PDE3B: variants seen among roughly 807,000 people sequenced by gnomAD.
PDE3B encodes cGMP-inhibited 3',5'-cyclic phosphodiesterase 3B.
Under a neutral mutation model 116.8 loss-of-function variants are expected in PDE3B, and 66 were observed. That is an observed-to-expected ratio of 0.56 (90% CI 0.46 to 0.69). The LOEUF is 0.69. PDE3B is among the 30% of genes least tolerant of loss of function. PDE3B has a pLI of 0.00. For synonymous variants in PDE3B, 595 were observed against 533.6 expected (o/e 1.12, Z -1.59); for missense variants, 1,384 against 1,368.1 (o/e 1.01, Z -0.18).
chr11:14,808,636 A>C (rs561335396), intron 5 of PDE3B, among the ~76,000 whole-genome samples: 2 of 150,670 alleles, frequency 1.3e-5, no homozygotes, highest in Non-Finnish European at 3.0e-5. Flanking sequence ...TATATGTAAA[A>C]TCCTAAGAAA....
Position 14,644,462 on chromosome 11 carries a change from C to T in PDE3B, c.387C>T (p.Phe129=), listed in dbSNP as rs375336969. 328 of 1,613,252 alleles carry T rather than the reference C, an allele frequency of 2.0e-4. 1 individual carries two copies. The highest frequency in any genetic ancestry group is 7.0e-4 in the Admixed American group (42 of 59,982). Residue 129 remains phenylalanine, a synonymous_variant, in exon 1 of 16, where the codon TTC becomes TTT. Transcript: ENST00000282096. ...CCCTCTTCAGCATCGCCTGTGCCTT[C>T]TTCTTCCTCACCTGCTTCCTCACCC... is the stretch of plus-strand genomic sequence containing the variant. ...LSPLFSIACA[F]FFLTCFLTRT...
chr11:14,813,316 G>C (rs546448670), intron 5 of PDE3B, among the ~76,000 whole-genome samples: 4 of 152,174 alleles, frequency 2.6e-5, no homozygotes, highest in South Asian at 2.1e-4. Flanking sequence ...GAGGCTTTAG[G>C]GGGTAATCCA....
chr11:14,804,155 T>C, intron 5 of PDE3B, 105 bp downstream of exon 5: 1 of 673,588 alleles, frequency 1.5e-6, no homozygotes, highest in East Asian at 2.7e-5. Context: ...TACAATTTCA[T>C]GTATTATAAG....
rs1856202796 is a variant in PDE3B at position 14,723,939 on chromosome 11, T to C, written c.979-47998T>C. Among the ~76,000 whole-genome samples the C allele has an allele frequency of 1.3e-5, 2 of 152,196 alleles. 1 individual carries two copies. Among genetic ancestry groups the C allele is most frequent in the Admixed American group, 1.3e-4 (2 of 15,276 alleles). On this transcript the variant is annotated intron_variant, in intron 1 of 15. Coordinates refer to ENST00000282096, the MANE Select transcript of PDE3B (RefSeq NM_000922.4). ...CTAGCAAGGCCTTGGAAGGTGATGT[T>C]TTATTCTACTTCCTAAGGGAAGCTA...
intron 2 of PDE3B, chr11:14,776,685 T>G (rs969778601): frequency 1.3e-5 from 2 of 151,296 alleles, no homozygotes; most frequent in South Asian, 4.2e-4. Context: ...AAAAAAAAAT[T>G]CAGACACACC....
intron 2 of PDE3B, among the ~76,000 whole-genome samples, chr11:14,780,170 C>T (rs1433557493): frequency 1.3e-5 from 2 of 152,064 alleles, no homozygotes; most frequent in Non-Finnish European, 2.9e-5. Context: ...TAAAGCAAGT[C>T]CTTAGAGACC....
chr11:14,895,603 C>G, the PDE3B span, among the ~76,000 whole-genome samples: 2 of 152,128 alleles, frequency 1.3e-5, no homozygotes, highest in Non-Finnish European at 2.9e-5. Context: ...TCATTGTGCT[C>G]TTAGGAGCCA....
chr11:14,714,539 CAAA>C (rs759855381), intron 1 of PDE3B, among the ~76,000 whole-genome samples: 18 of 76,096 alleles, frequency 2.4e-4, no homozygotes, highest in Admixed American at 4.6e-4. Flanking sequence ...AACCCTGTCT[CAAA>C]AAAAAAAAAA....
At chr11:14,783,916 C>T (rs1362044795) in intron 2 of PDE3B, among the ~76,000 whole-genome samples, 1 of 152,170 alleles carries the variant, frequency 6.6e-6, no homozygotes, top group East Asian at 1.9e-4. Flanking sequence ...AGGAACTGGG[C>T]CACATAGCCG....
intron 11 of PDE3B, among the ~76,000 whole-genome samples, chr11:14,840,194 T>C (rs1860179537): frequency 6.6e-6 from 1 of 152,222 alleles, no homozygotes; most frequent in African/African-American, 2.4e-5. Flanking sequence ...CTTTGGAGTC[T>C]CTAGAAGACC....
At chr11:14,833,040 C>T (rs757408612) in intron 10 of PDE3B, among the ~76,000 whole-genome samples, 1 of 151,836 alleles carries the variant, frequency 6.6e-6, no homozygotes, top group Non-Finnish European at 1.5e-5. Flanking sequence ...AACCTCCGCC[C>T]CCCACGTTCA....
intron 1 of PDE3B, among the ~76,000 whole-genome samples, chr11:14,721,426 A>G (rs1010161811): frequency 4.0e-5 from 6 of 151,048 alleles, no homozygotes; most frequent in African/African-American, 1.5e-4. Flanking sequence ...ATTACTGGGT[A>G]TATACCCAAA....
At chr11:14,830,958 T>A (rs1217964540) in intron 8 of PDE3B, 112 bp downstream of exon 8, 1 of 555,196 alleles carries the variant, frequency 1.8e-6, no homozygotes, top group East Asian at 3.7e-5. Flanking sequence ...TATTTTTTAA[T>A]TTTTTTACTT....
At chr11:14,789,032 T>C in intron 3 of PDE3B, 74 bp from the exon 4 acceptor site, 2 of 1,004,070 alleles carry the variant, frequency 2.0e-6, no homozygotes, top group East Asian at 5.2e-5. Flanking sequence ...GATACTTTCA[T>C]GTGCCATCAC....
chr11:14,695,888 C>T (rs1000808320), intron 1 of PDE3B, among the ~76,000 whole-genome samples: 3 of 152,110 alleles, frequency 2.0e-5, no homozygotes, highest in Non-Finnish European at 2.9e-5. Flanking sequence ...CATGTGTATG[C>T]ACCATTTTCT....
At chr11:14,781,012 A>G (rs1857979302) in intron 2 of PDE3B, among the ~76,000 whole-genome samples, 2 of 152,214 alleles carry the variant, frequency 1.3e-5, no homozygotes, top group South Asian at 4.1e-4. Flanking sequence ...GATACAAACT[A>G]CCATCTGAGA....
At chr11:14,697,924 G>A (rs369094314) in intron 1 of PDE3B, among the ~76,000 whole-genome samples, 14 of 151,828 alleles carry the variant, frequency 9.2e-5, no homozygotes, top group Admixed American at 5.9e-4. Context: ...TTGCTTATTC[G>A]TTGTAGTTGG....
chr11:14,715,765 A>T (rs1211284123), intron 1 of PDE3B, among the ~76,000 whole-genome samples: 1 of 152,138 alleles, frequency 6.6e-6, no homozygotes, highest in Non-Finnish European at 1.5e-5. Context: ...CTCCTGCCTG[A>T]TTGCCCTGGC....
intron 1 of PDE3B, among the ~76,000 whole-genome samples, chr11:14,667,412 T>G (rs1308269552): frequency 1.3e-5 from 2 of 151,012 alleles, no homozygotes; most frequent in Non-Finnish European, 2.9e-5. Context: ...TGTGCACATG[T>G]ACCCTAAAAC....
Sources: allele counts gnomAD v4.1 joint callset (sites outside exome capture counted in the v4.1 genomes callset), GRCh38; gene constraint gnomAD v4.1.1; transcripts MANE v1.5; gene names NCBI Gene and HGNC (gene_info 2026-07-23, HGNC 2026-07-21).